Variants in LRRC8A observed in about 807,000 individuals in gnomAD.
LRRC8A encodes leucine rich repeat containing 8 VRAC subunit A.
A neutral mutation model predicts 52.5 loss-of-function variants in LRRC8A; 24 were observed. The observed-to-expected ratio is 0.46, with a 90% CI of 0.33 to 0.64. The LOEUF is 0.64. Ranked by LOEUF, LRRC8A falls within the 30% of genes least tolerant of loss-of-function variation. The pLI is 0.02. For missense variants in LRRC8A, 677 were observed against 1,094.7 expected (o/e 0.62, Z 5.38); for synonymous variants, 492 against 494.2 (o/e 1.00, Z 0.06).
intron 2 of LRRC8A, among the ~76,000 whole-genome samples, chr9:128,888,306 G>A (rs1839475541): frequency 6.6e-6 from 1 of 152,138 alleles, no homozygotes; most frequent in African/African-American, 2.4e-5. Context: ...GCCAAGGATG[G>A]CGTGGAATGA....
chr9:128,901,121 C>T (rs1174720179), intron 2 of LRRC8A, among the ~76,000 whole-genome samples: 5 of 152,070 alleles, frequency 3.3e-5, no homozygotes, highest in Admixed American at 1.3e-4. Flanking sequence ...TGCATTGAGC[C>T]GAGATCGTGC....
intron 3 of LRRC8A, among the ~76,000 whole-genome samples, chr9:128,914,397 G>GAGGCA (rs71245393): frequency 0.59 from 88,569 of 151,350 alleles, 29,765 homozygotes; most frequent in Admixed American, 0.72. Flanking sequence ...TCCAAGCTCA[G>GAGGCA]TTTCTAGTCC....
At position 128,916,179 on chromosome 9, in the gene LRRC8A, C is replaced by T. The variant is rs745610311; in HGVS notation, c.2241C>T (p.Pro747=). The T allele has an allele frequency of 1.2e-6, 2 of 1,613,444 alleles. No homozygotes were observed. The highest frequency in any genetic ancestry group is 1.7e-6 in the Non-Finnish European group (2 of 1,180,006). The change falls in exon 4 of 4, where the codon CCC becomes CCT. Residue 747 remains proline (P), a synonymous_variant. Transcript: ENST00000372600. The surrounding 1 kb of genome is among the most constrained non-coding windows in gnomAD (Gnocchi z 6.1). ...GCAACAACGTGCTGCAGTCACTGCC[C>T]TCCAGGGTGGGCGAGCTGACCAACC... The part of the protein sequence containing the change: ...HLGNNVLQSL[P]SRVGELTNLT...
intron 3 of LRRC8A, among the ~76,000 whole-genome samples, chr9:128,914,884 C>T (rs1020445697): frequency 6.6e-6 from 1 of 152,216 alleles, no homozygotes; most frequent in African/African-American, 2.4e-5. Context: ...CAGGAGACAG[C>T]ACGAACCCAC....
Position 128,917,416 on chromosome 9 carries a change from G to A in LRRC8A, c.*1045G>A, listed in dbSNP as rs912157727. ...GAGGGAATGTTCTGGAGCTGCCAAGGAGGGAGGAGACTCGGGTTGGCTAAT... is the reference window on the plus strand; with the variant it reads ...GAGGGAATGTTCTGGAGCTGCCAAGAAGGGAGGAGACTCGGGTTGGCTAAT... On this transcript the variant is annotated 3_prime_UTR_variant, in exon 4 of 4. Transcript: ENST00000372600. The A allele has an allele frequency of 2.0e-5, 3 of 152,618 alleles. No individual in the cohort carries two copies. The highest frequency in any genetic ancestry group is 2.0e-4 in the Admixed American group (3 of 15,272). The allele number at this position is 152,618 out of a possible 1,614,324, so 9.5% of individuals were successfully genotyped here.
chr9:128,901,448 G>A (rs1033611726), intron 2 of LRRC8A, among the ~76,000 whole-genome samples: 85 of 152,084 alleles, frequency 5.6e-4, no homozygotes, highest in African/African-American at 2.0e-3. Flanking sequence ...TGGCAATAGT[G>A]TGAGACTGCC....
rs772687061 is a variant in LRRC8A, at chr9:128,908,806, G to A, written c.1642G>A (p.Val548Met). The change falls in exon 3 of 4, where the codon GTG becomes ATG. Residue 548 changes from valine to methionine, a missense_variant. By Grantham distance (21) the Val-to-Met change is conservative. Transcript: ENST00000372600. ...DGLRELKRLK[V>M]LRLKSNLSKL... is the part of the protein sequence containing the mutation. ...GCTGCGGGAGCTCAAACGCCTCAAG[G>A]TGCTGCGGCTCAAGAGCAACCTAAG... The A allele has an allele frequency of 1.5e-5, 25 of 1,613,436 alleles. No individual in the cohort carries two copies. The highest frequency in any genetic ancestry group is 1.8e-5 in the Non-Finnish European group (21 of 1,180,042).
At chr9:128,888,165 G>A (rs1238617844) in intron 2 of LRRC8A, among the ~76,000 whole-genome samples, 1 of 152,166 alleles carries the variant, frequency 6.6e-6, no homozygotes, top group Non-Finnish European at 1.5e-5. Context: ...TGCCCCATAG[G>A]AGTTTCCTGT....
In LRRC8A at chr9:128,916,571, A is replaced by C; in HGVS notation, c.*200A>C. ...GGCCCCTTTTCTCCCTCTGAGACTC[A>C]CGTCCCCCAGGGCAAGTGCTTGTGG... On this transcript the variant is annotated 3_prime_UTR_variant, in exon 4 of 4. Transcript: ENST00000372600. This position sits in a 1 kb window ranked among gnomAD's most constrained non-coding sequence, Gnocchi z 6.1. 1.5e-6 allele frequency: 1 copy of C among 656,664 alleles called. No individual in the cohort carries two copies. Among genetic ancestry groups the C allele is most frequent in the South Asian group, 2.1e-5 (1 of 46,918 alleles). The allele number at this position is 656,664 out of a possible 1,614,324, so 40.7% of individuals were successfully genotyped here. A position where few individuals can be genotyped will look rare whatever the true frequency, so the allele number is the denominator to read the frequency against.
chr9:128,910,388 G>A (rs1840460074), intron 3 of LRRC8A, among the ~76,000 whole-genome samples: 1 of 152,220 alleles, frequency 6.6e-6, no homozygotes, highest in African/African-American at 2.4e-5. Context: ...AGGTTCAGGA[G>A]GCTGAAGAAG....
Position 128,908,639 on chromosome 9 carries a change from G to A in LRRC8A, c.1475G>A (p.Arg492His), listed in dbSNP as rs143569780. 5.4e-5 allele frequency: 87 copies of A among 1,612,610 alleles called. No homozygotes were observed. The highest frequency in any genetic ancestry group is 3.3e-4 in the Middle Eastern group (2 of 6,084). Residue 492 changes from arginine to histidine, a missense_variant, in exon 3 of 4, where the codon CGT (arginine) becomes CAT (histidine). Physicochemically the swap from Arg to His is conservative, Grantham distance 29. Around this residue, in one of 4 missense-constraint regions of LRRC8A, gnomAD observed 422 missense variants for 741.5 expected, o/e 0.57. Coordinates refer to ENST00000372600, the MANE Select transcript of LRRC8A (RefSeq NM_019594.4). ...KIEAPALAFL[R>H]ENLRALHIKF... is the part of the protein sequence containing the mutation. ...GAAGCGCCCGCGCTGGCCTTCCTGC[G>A]TGAGAACCTGCGGGCGCTGCACATC...
chr9:128,903,636 A>C (rs1443311943), intron 2 of LRRC8A, among the ~76,000 whole-genome samples: 6 of 151,490 alleles, frequency 4.0e-5, no homozygotes, highest in African/African-American at 1.5e-4. Flanking sequence ...GATGGTCTCG[A>C]TCTCCTGACC....
At chr9:128,909,956 T>G (rs1311426773) in intron 3 of LRRC8A, among the ~76,000 whole-genome samples, 1 of 152,206 alleles carries the variant, frequency 6.6e-6, no homozygotes, top group East Asian at 1.9e-4. Context: ...AAGGAAATTG[T>G]GCAAATCATT....
rs180746184 is a variant in LRRC8A at position 128,887,524 on chromosome 9, G to A, written c.-9+1403G>A. ...TCTGCTGATTCTCATCTTCAGAGGTGTGAATGGGAAGGGGTATATTCTTCC... is the reference window on the plus strand; with the variant it reads ...TCTGCTGATTCTCATCTTCAGAGGTATGAATGGGAAGGGGTATATTCTTCC... On this transcript the variant is annotated intron_variant, in intron 2 of 3. Coordinates refer to ENST00000372600, the MANE Select transcript of LRRC8A (RefSeq NM_019594.4). Among the ~76,000 whole-genome samples, 738 of 152,214 alleles carry A rather than the reference G, an allele frequency of 4.8e-3. 2 individuals carry two copies. Among genetic ancestry groups the A allele is most frequent in the Non-Finnish European group, 8.2e-3 (558 of 68,016 alleles).
In LRRC8A at chr9:128,899,524, G is replaced by T. The variant is rs1839947253; in HGVS notation, c.-8-7633G>T. On this transcript the variant is annotated intron_variant, in intron 2 of 3. Coordinates refer to ENST00000372600, the MANE Select transcript of LRRC8A (RefSeq NM_019594.4). The surrounding 1 kb of genome is among the most constrained non-coding windows in gnomAD (Gnocchi z 4.0). ...TTGGGCAGAAGACTTCTGTCTCTGA[G>T]CCGGTTTCCGTGGTTATAAAATGGA... Among the ~76,000 whole-genome samples, 1 of 151,868 alleles carries T rather than the reference G, an allele frequency of 6.6e-6. No individual in the cohort carries two copies. The highest frequency in any genetic ancestry group is 2.4e-5 in the African/African-American group (1 of 41,298).
At chr9:128,900,799 G>T (rs1839995839) in intron 2 of LRRC8A, among the ~76,000 whole-genome samples, 2 of 152,166 alleles carry the variant, frequency 1.3e-5, no homozygotes, top group South Asian at 4.1e-4. Flanking sequence ...AGGCTGAGGT[G>T]GGAGGATCAC....
chr9:128,914,317 G>A (rs186647351), intron 3 of LRRC8A, among the ~76,000 whole-genome samples: 3 of 151,404 alleles, frequency 2.0e-5, no homozygotes, highest in Non-Finnish European at 4.4e-5. Context: ...TTCTCTAAAC[G>A]CGGCTGGAGA....
chr9:128,908,208 C>A lies in LRRC8A; in HGVS notation c.1044C>A (p.Leu348=). 6.2e-7 allele frequency: 1 copy of A among 1,614,096 alleles called. No individual in the cohort carries two copies. The highest frequency in any genetic ancestry group is 8.5e-7 in the Non-Finnish European group (1 of 1,180,030). ...TGTGGTGGATGCTACGGCGCTCCCT[C>A]AAGAAGTACTCGTTTGAGTCGATCC... ...YTLWWMLRRS[L]KKYSFESIRE... Residue 348 remains leucine (L), a synonymous_variant, in exon 3 of 4, where the codon CTC becomes CTA. Transcript: ENST00000372600.
intron 2 of LRRC8A, among the ~76,000 whole-genome samples, chr9:128,906,065 AGACCCACTATGT>A (rs1362421510): frequency 2.0e-5 from 3 of 152,230 alleles, no homozygotes; most frequent in Admixed American, 2.0e-4. Flanking sequence ...CCTGTCATTA[AGACCCACTATGT>A]GACCTTTGGT....
Sources: gnomAD v4.1 joint callset for allele counts (sites outside exome capture counted in the v4.1 genomes callset) on GRCh38, gnomAD v4.1.1 for gene constraint, gnomAD v4.1.1 regional missense constraint, Gnocchi (gnomAD v3.1) non-coding constraint, MANE v1.5 for transcripts, NCBI Gene and HGNC (gene_info 2026-07-23, HGNC 2026-07-21) for gene names.